Variants in KCNJ3 observed in about 807,000 individuals in gnomAD.
KCNJ3 encodes the protein potassium inwardly rectifying channel subfamily J member 3.
Under a neutral mutation model 39.2 loss-of-function variants are expected in KCNJ3, and 4 were observed. That is an observed-to-expected ratio of 0.10 (90% CI 0.05 to 0.23). The LOEUF is 0.23. KCNJ3 is among the 10% of genes least tolerant of loss of function. KCNJ3 has a pLI of 1.00. For missense variants in KCNJ3, 276 were observed against 634.9 expected (o/e 0.43, Z 6.08); for synonymous variants, 230 against 237.4 (o/e 0.97, Z 0.29).
At chr2:154,750,416 T>C (rs1685818976) in intron 2 of KCNJ3, among the ~76,000 whole-genome samples, 1 of 152,008 alleles carries the variant, frequency 6.6e-6, no homozygotes, top group South Asian at 2.1e-4. Flanking sequence ...ATGGAACTTT[T>C]AAACATTTAA....
intron 2 of KCNJ3, among the ~76,000 whole-genome samples, chr2:154,848,778 G>A (rs1687705819): frequency 6.6e-6 from 1 of 152,138 alleles, no homozygotes; most frequent in Non-Finnish European, 1.5e-5. Context: ...GTAGAGCTGG[G>A]ATGCGGCCCC....
intron 1 of KCNJ3, among the ~76,000 whole-genome samples, chr2:154,700,143 A>G (rs969078631): frequency 3.9e-5 from 6 of 152,182 alleles, no homozygotes. Context: ...ATTCTTTGAA[A>G]GCTTGAGTGC....
intron 2 of KCNJ3, among the ~76,000 whole-genome samples, chr2:154,821,635 A>ATTTTTTTTTTTTT (rs71422263): frequency 1.2e-4 from 11 of 88,076 alleles, no homozygotes; most frequent in East Asian, 1.2e-3. Context: ...AGAATATGTG[A>ATTTTTTTTTTTTT]TTTTTTTTTT....
intron 2 of KCNJ3, among the ~76,000 whole-genome samples, chr2:154,814,344 A>G (rs1687047042): frequency 6.6e-6 from 1 of 152,152 alleles, no homozygotes; most frequent in Non-Finnish European, 1.5e-5. Context: ...CAGGTATAAA[A>G]TGAAGTATTT....
intron 2 of KCNJ3, among the ~76,000 whole-genome samples, chr2:154,793,263 T>C (rs1686668798): frequency 6.6e-6 from 1 of 152,040 alleles, no homozygotes; most frequent in Admixed American, 6.6e-5. Flanking sequence ...ATACTTGAAA[T>C]CTTCTTTTCA....
intron 2 of KCNJ3, among the ~76,000 whole-genome samples, chr2:154,746,650 ATGTG>A (rs57739687): frequency 9.8e-4 from 145 of 147,352 alleles, no homozygotes; most frequent in Non-Finnish European, 1.5e-3. Flanking sequence ...GTGTATATAT[ATGTG>A]TGTGTGTGTG....
intron 2 of KCNJ3, among the ~76,000 whole-genome samples, chr2:154,782,557 C>T (rs1010514935): frequency 6.6e-6 from 1 of 151,862 alleles, no homozygotes; most frequent in Non-Finnish European, 1.5e-5. Flanking sequence ...CAGGCTTTCA[C>T]ATCCAACATG....
intron 2 of KCNJ3, among the ~76,000 whole-genome samples, chr2:154,764,948 C>G (rs1191103862): frequency 1.3e-5 from 2 of 152,148 alleles, no homozygotes; most frequent in African/African-American, 2.4e-5. Flanking sequence ...TCTCCACCCC[C>G]CAAACATACA....
At chr2:154,785,883 G>C (rs1389951105) in intron 2 of KCNJ3, among the ~76,000 whole-genome samples, 6 of 152,068 alleles carry the variant, frequency 3.9e-5, no homozygotes, top group African/African-American at 1.4e-4. Context: ...TCTCCAAATA[G>C]AGTGACATTC....
At chr2:154,801,263 T>C (rs1439398105) in intron 2 of KCNJ3, among the ~76,000 whole-genome samples, 1 of 152,222 alleles carries the variant, frequency 6.6e-6, no homozygotes, top group African/African-American at 2.4e-5. Context: ...GGTTAATATC[T>C]AAAAACATGA....
At chr2:154,850,360 A>C (rs1005223294) in intron 2 of KCNJ3, among the ~76,000 whole-genome samples, 8 of 152,186 alleles carry the variant, frequency 5.3e-5, no homozygotes, top group Admixed American at 1.3e-4. Flanking sequence ...TAGAAGGAAG[A>C]ATGATATGGT....
At chr2:154,826,239 G>A (rs889308504) in intron 2 of KCNJ3, among the ~76,000 whole-genome samples, 1 of 152,242 alleles carries the variant, frequency 6.6e-6, no homozygotes, top group South Asian at 2.1e-4. Flanking sequence ...AAGGGGCACA[G>A]ATGAATAAGA....
At chr2:154,718,608 A>G (rs1414805562) in intron 2 of KCNJ3, among the ~76,000 whole-genome samples, 1 of 152,168 alleles carries the variant, frequency 6.6e-6, no homozygotes, top group East Asian at 1.9e-4. Flanking sequence ...TGATAGTGAA[A>G]TGTCTTTTTG....
intron 2 of KCNJ3, among the ~76,000 whole-genome samples, chr2:154,815,335 T>C (rs1687065772): frequency 6.6e-6 from 1 of 152,214 alleles, no homozygotes; most frequent in Non-Finnish European, 1.5e-5. Flanking sequence ...CCTCAATGGC[T>C]AATTCTATTC....
intron 2 of KCNJ3, among the ~76,000 whole-genome samples, chr2:154,794,208 G>C (rs1389465678): frequency 6.6e-6 from 1 of 151,892 alleles, no homozygotes; most frequent in Non-Finnish European, 1.5e-5. Context: ...GTTTTTGCCA[G>C]ATAAAAAGTG....
chr2:154,729,251 T>C (rs1023699845), intron 2 of KCNJ3, among the ~76,000 whole-genome samples: 5 of 152,290 alleles, frequency 3.3e-5, no homozygotes, highest in African/African-American at 1.2e-4. Context: ...GCAAATCGGG[T>C]TTCTGTATGC....
At position 154,851,930 on chromosome 2, in the gene KCNJ3, C is replaced by T. The variant is rs1288901654; in HGVS notation, c.920-2797C>T. Among the ~76,000 whole-genome samples the T allele has an allele frequency of 4.6e-5, 7 of 151,562 alleles. No homozygotes were observed. In the East Asian group the frequency reaches 7.7e-4, roughly 17 times the overall value. ...TTGATTTTTTATGTAATGTTATTTT[C>T]GCAATGTGAAAATAAAAAAAAGCCA... On this transcript the variant is annotated intron_variant, in intron 2 of 2. Coordinates refer to ENST00000295101, the MANE Select transcript of KCNJ3 (RefSeq NM_002239.4).
intron 2 of KCNJ3, among the ~76,000 whole-genome samples, chr2:154,744,076 T>C (rs1473524149): frequency 1.3e-5 from 2 of 151,764 alleles, no homozygotes; most frequent in Non-Finnish European, 3.0e-5. Flanking sequence ...ATTAGTACTA[T>C]TTCTGCATCA....
chr2:154,720,387 C>A (rs1038341702), intron 2 of KCNJ3, among the ~76,000 whole-genome samples: 1 of 151,980 alleles, frequency 6.6e-6, no homozygotes, highest in Non-Finnish European at 1.5e-5. Flanking sequence ...ATGTCTAGAC[C>A]ATTTTAGAGG....
Sources: allele counts gnomAD v4.1 joint callset (sites outside exome capture counted in the v4.1 genomes callset), GRCh38; gene constraint gnomAD v4.1.1; transcripts MANE v1.5; gene names NCBI Gene and HGNC (gene_info 2026-07-23, HGNC 2026-07-21).